RALGAPA2: variants seen among roughly 807,000 people sequenced by gnomAD.
RALGAPA2 encodes the protein ral GTPase-activating protein subunit alpha-2.
RALGAPA2 carries 139 observed loss-of-function variants against 230.4 expected under a neutral mutation model. That is an observed-to-expected ratio of 0.60 (90% CI 0.53 to 0.69). RALGAPA2 has a LOEUF of 0.69. RALGAPA2 is among the 30% of genes least tolerant of loss of function. The pLI is 0.00. For synonymous variants in RALGAPA2, 847 were observed against 837.8 expected, an observed-to-expected ratio of 1.01 and a Z score of -0.19; for missense variants, 2,163 against 2,276.0, an observed-to-expected ratio of 0.95 and a Z score of 1.01.
intron 31 of RALGAPA2, among the ~76,000 whole-genome samples, chr20:20,518,042 G>A (rs1165519247): frequency 6.6e-6 from 1 of 151,962 alleles, no homozygotes; most frequent in Admixed American, 6.6e-5. Context: ...CCAGAGAAAG[G>A]TGAAAACCAA....
chr20:20,689,527 A>G (rs1161332748), intron 1 of RALGAPA2, among the ~76,000 whole-genome samples: 2 of 152,236 alleles, frequency 1.3e-5, no homozygotes, highest in Non-Finnish European at 2.9e-5. Context: ...CTGTAATCCC[A>G]TCTCCTTGGG....
chr20:20,503,483 C>A lies in RALGAPA2; in HGVS notation c.5076G>T (p.Gly1692=). The change falls in exon 35 of 40, where the codon GGG becomes GGT. Residue 1692 remains glycine (G), a synonymous_variant. Coordinates refer to ENST00000202677, the MANE Select transcript of RALGAPA2 (RefSeq NM_020343.4). ...CATTGCGCTGAAGGCCACCCATGAA[C>A]CCACAGTGGGTGGAGAGATCCACCT... ...GWEVDLSTHC[G]FMGGLQRNGS... The A allele has an allele frequency of 1.3e-6, 2 of 1,593,694 alleles. No homozygotes were observed. Among genetic ancestry groups the A allele is most frequent in the Non-Finnish European group, 8.5e-7 (1 of 1,170,574 alleles).
At chr20:20,668,387 A>T (rs1000440745) in intron 3 of RALGAPA2, among the ~76,000 whole-genome samples, 3 of 152,178 alleles carry the variant, frequency 2.0e-5, no homozygotes, top group African/African-American at 7.2e-5. Context: ...TGAGCAACAG[A>T]GCGAGACTGT....
chr20:20,710,710 C>T (rs1484682269), intron 1 of RALGAPA2, among the ~76,000 whole-genome samples: 1 of 152,218 alleles, frequency 6.6e-6, no homozygotes, highest in African/African-American at 2.4e-5. Flanking sequence ...AATCAACTTT[C>T]TCAGAATGGG....
intron 3 of RALGAPA2, among the ~76,000 whole-genome samples, chr20:20,654,151 A>ATTTGAC (rs1190088370): frequency 9.8e-5 from 15 of 152,326 alleles, no homozygotes; most frequent in Admixed American, 9.2e-4. Flanking sequence ...ACTTTTACAA[A>ATTTGAC]TTTGACTTTT....
intron 13 of RALGAPA2, 54 bp from the exon 14 acceptor site, chr20:20,611,480 T>C: frequency 7.1e-6 from 11 of 1,558,478 alleles, no homozygotes; most frequent in Non-Finnish European, 8.7e-6. Flanking sequence ...CAAAGCACTT[T>C]AATTTATAGG....
chr20:20,480,917 T>C (rs964375518), intron 36 of RALGAPA2, among the ~76,000 whole-genome samples: 1 of 152,214 alleles, frequency 6.6e-6, no homozygotes, highest in Non-Finnish European at 1.5e-5. Flanking sequence ...AGATTTTCCA[T>C]GACTGCTGAC....
chr20:20,499,651 G>A (rs1266032117), intron 35 of RALGAPA2, among the ~76,000 whole-genome samples: 2 of 152,206 alleles, frequency 1.3e-5, no homozygotes, highest in African/African-American at 2.4e-5. Flanking sequence ...GAACCAGCAC[G>A]TGGTCAGCGC....
intron 14 of RALGAPA2, among the ~76,000 whole-genome samples, chr20:20,610,761 T>C (rs1005943427): frequency 6.6e-6 from 1 of 152,110 alleles, no homozygotes; most frequent in Admixed American, 6.6e-5. Flanking sequence ...ACTCATCCCA[T>C]AGAACATTCT....
At chr20:20,577,425 C>T (rs2064854866) in intron 20 of RALGAPA2, among the ~76,000 whole-genome samples, 1 of 152,160 alleles carries the variant, frequency 6.6e-6, no homozygotes, top group Non-Finnish European at 1.5e-5. Flanking sequence ...AAGCACTGTT[C>T]CTTCTTAGAG....
intron 18 of RALGAPA2, among the ~76,000 whole-genome samples, chr20:20,586,771 C>T (rs1025577690): frequency 6.6e-6 from 1 of 152,052 alleles, no homozygotes; most frequent in Middle Eastern, 3.4e-3. Context: ...AAAGACAGAG[C>T]TGATAAAATT....
intron 37 of RALGAPA2, among the ~76,000 whole-genome samples, chr20:20,468,971 G>C (rs1042798972): frequency 6.6e-6 from 1 of 151,380 alleles, no homozygotes; most frequent in Non-Finnish European, 1.5e-5. Context: ...GTTTGTGTGT[G>C]TGTGTGTGTG....
intron 14 of RALGAPA2, among the ~76,000 whole-genome samples, chr20:20,607,206 G>C (rs2065848086): frequency 6.6e-6 from 1 of 152,110 alleles, no homozygotes; most frequent in Admixed American, 6.6e-5. Context: ...CATAGATACA[G>C]GAAAACTCTG....
intron 23 of RALGAPA2, among the ~76,000 whole-genome samples, chr20:20,563,821 A>T (rs1227942888): frequency 6.6e-6 from 1 of 152,080 alleles, no homozygotes; most frequent in African/African-American, 2.4e-5. Flanking sequence ...TCTCACACAC[A>T]GACAAACACA....
At position 20,492,997 on chromosome 20, in the gene RALGAPA2, C is replaced by T. The variant is rs548675163; in HGVS notation, c.5367+2120G>A. Among the ~76,000 whole-genome samples the T allele has an allele frequency of 3.9e-5, 6 of 152,284 alleles. No homozygotes were observed. In the East Asian group the frequency reaches 9.6e-4, roughly 24 times the overall value. On this transcript the variant is annotated intron_variant, in intron 36 of 39. Transcript: ENST00000202677. ...TATAATGAAGCTATTAATGCTAAATCGGTTAATGTTAACATTGCTCCAGGT... is the reference window on the plus strand; with the variant it reads ...TATAATGAAGCTATTAATGCTAAATTGGTTAATGTTAACATTGCTCCAGGT...
Position 20,570,616 on chromosome 20 carries a change from T to C in RALGAPA2, c.3156+842A>G, listed in dbSNP as rs6137063. Among the ~76,000 whole-genome samples the C allele has an allele frequency of 5.3e-5, 8 of 152,304 alleles. No individual in the cohort carries two copies. In the East Asian group the frequency reaches 1.4e-3, roughly 26 times the overall value. ...TCTATTCCTTTCTTTCCATCCCCAATGCTACCGGCTTAGTTCTTATCATTT... is the reference window on the plus strand; with the variant it reads ...TCTATTCCTTTCTTTCCATCCCCAACGCTACCGGCTTAGTTCTTATCATTT... On this transcript the variant is annotated intron_variant, in intron 23 of 39. Coordinates refer to ENST00000202677, the MANE Select transcript of RALGAPA2 (RefSeq NM_020343.4).
At chr20:20,412,788 C>G (rs1432570796) in intron 37 of RALGAPA2, among the ~76,000 whole-genome samples, 1 of 152,156 alleles carries the variant, frequency 6.6e-6, no homozygotes, top group Non-Finnish European at 1.5e-5. Flanking sequence ...CAGTCTGGAA[C>G]ACACAGCATT....
chr20:20,692,907 A>G (rs1205864914), intron 1 of RALGAPA2, among the ~76,000 whole-genome samples: 1 of 152,198 alleles, frequency 6.6e-6, no homozygotes, highest in East Asian at 1.9e-4. Context: ...AATTCTTATT[A>G]CTTGCTTATA....
At chr20:20,538,782 G>A (rs1206870104) in intron 24 of RALGAPA2, among the ~76,000 whole-genome samples, 1 of 152,126 alleles carries the variant, frequency 6.6e-6, no homozygotes, top group South Asian at 2.1e-4. Context: ...TGCAGAGAGA[G>A]AGAAGTGATG....
Sources: allele counts gnomAD v4.1 joint callset (sites outside exome capture counted in the v4.1 genomes callset), GRCh38; gene constraint gnomAD v4.1.1; transcripts MANE v1.5; gene names NCBI Gene and HGNC (gene_info 2026-07-23, HGNC 2026-07-21).